GGTA1: variants seen among roughly 807,000 people sequenced by gnomAD.
GGTA1 encodes the protein inactive N-acetyllactosaminide alpha-1,3-galactosyltransferase.
Under a neutral mutation model 2.6 loss-of-function variants are expected in GGTA1, and 5 were observed. The ratio of observed to expected loss-of-function variants is 1.92; its 90% CI spans 1.00 to 4.04. GGTA1 has a LOEUF of 4.04. GGTA1 is among the 30% of genes most tolerant of loss of function. The pLI, the probability that GGTA1 is intolerant of heterozygous loss-of-function variation, is 0.00. For missense variants in GGTA1, 50 were observed against 16.7 expected (o/e 2.99, Z -3.47); for synonymous variants, 17 against 5.0 (o/e 3.38, Z -3.19).
chr9:121,495,375 A>G (rs1828970330), intron 1 of GGTA1, among the ~76,000 whole-genome samples: 1 of 151,984 alleles, frequency 6.6e-6, no homozygotes, highest in African/African-American at 2.4e-5. Flanking sequence ...GTGAAATCCC[A>G]TCTCTACTAA....
At chr9:121,489,224 G>C (rs1828823412) in intron 1 of GGTA1, among the ~76,000 whole-genome samples, 1 of 152,048 alleles carries the variant, frequency 6.6e-6, no homozygotes. Context: ...TTTTGAGACA[G>C]GGTCTCACTC....
chr9:121,456,244 C>T (rs1219286117), intron 5 of GGTA1, among the ~76,000 whole-genome samples: 3 of 152,168 alleles, frequency 2.0e-5, no homozygotes, highest in African/African-American at 7.2e-5. Flanking sequence ...TTTCCTTCCA[C>T]GTAGGACATG....
At chr9:121,448,159 C>A (rs1435419142) in intron 7 of GGTA1, among the ~76,000 whole-genome samples, 31 of 152,212 alleles carry the variant, frequency 2.0e-4, no homozygotes, top group Admixed American at 2.0e-3. Flanking sequence ...ATTTACCACC[C>A]TCTGCCTTCC....
chr9:121,462,402 G>A (rs1474043091), intron 3 of GGTA1, among the ~76,000 whole-genome samples: 1 of 152,142 alleles, frequency 6.6e-6, no homozygotes, highest in Non-Finnish European at 1.5e-5. Flanking sequence ...AAAGAGGAAA[G>A]TCCGATGGAC....
At chr9:121,463,165 T>A (rs950699327) in intron 3 of GGTA1, 128 bp downstream of exon 3, 3 of 421,302 alleles carry the variant, frequency 7.1e-6, no homozygotes, top group African/African-American at 6.3e-5. Context: ...TCCCCAGGAA[T>A]CCACCCACCC....
chr9:121,482,826 G>T (rs1239054263), intron 1 of GGTA1, among the ~76,000 whole-genome samples: 1 of 151,780 alleles, frequency 6.6e-6, no homozygotes, highest in African/African-American at 2.4e-5. Context: ...ACGTGTTGTA[G>T]TCCCAGTTAT....
At chr9:121,469,650 G>A (rs1589331753) in intron 1 of GGTA1, among the ~76,000 whole-genome samples, 1 of 152,284 alleles carries the variant, frequency 6.6e-6, no homozygotes, top group South Asian at 2.1e-4. Flanking sequence ...TTGGCTATAT[G>A]TTATGATGTT....
At chr9:121,451,140 A>G (rs913487724), downstream of GGTA1, among the ~76,000 whole-genome samples, 3 of 152,224 alleles carry the variant, frequency 2.0e-5, no homozygotes, top group African/African-American at 7.2e-5. Context: ...ATTCTCCAAA[A>G]AAAGCAAAAT....
At chr9:121,452,852 C>T (rs575060220), downstream of GGTA1, among the ~76,000 whole-genome samples, 1 of 152,286 alleles carries the variant, frequency 6.6e-6, no homozygotes, top group Non-Finnish European at 1.5e-5. Context: ...CCTTATGAGG[C>T]TCTTATCTCT....
chr9:121,471,014 C>G (rs1202441230), intron 1 of GGTA1, among the ~76,000 whole-genome samples: 1 of 152,188 alleles, frequency 6.6e-6, no homozygotes. Context: ...TACAAGGTTA[C>G]CTTGTGAGAG....
In GGTA1 at chr9:121,447,891, A is replaced by G. The variant is rs148161298; in HGVS notation, c.*119-294T>C. Among the ~76,000 whole-genome samples the G allele has an allele frequency of 6.2e-4, 95 of 152,290 alleles. No homozygotes were observed. In the East Asian group the frequency reaches 0.015, roughly 24 times the overall value. On this transcript the variant is annotated intron_variant and NMD_transcript_variant, in intron 7 of 7. Coordinates refer to the GGTA1 transcript ENST00000481534. ...TCTCACTGCCAATTTTGGAAGAGCA[A>G]CTAGAACTAGACATGCACTACCCTA...
At chr9:121,496,757 A>AAAAAAAG (rs1554838784) in intron 1 of GGTA1, among the ~76,000 whole-genome samples, 2 of 111,918 alleles carry the variant, frequency 1.8e-5, no homozygotes, top group African/African-American at 2.9e-5. Flanking sequence ...AAAAAAAAAA[A>AAAAAAAG]AGAGAGAGAG....
chr9:121,492,609 G>A (rs1201538083), intron 1 of GGTA1, among the ~76,000 whole-genome samples: 1 of 152,196 alleles, frequency 6.6e-6, no homozygotes, highest in East Asian at 2.0e-4. Context: ...TCATAGCTGG[G>A]ATTACAGGCA....
At chr9:121,464,709 C>T (rs958793034) in intron 2 of GGTA1, among the ~76,000 whole-genome samples, 3 of 152,164 alleles carry the variant, frequency 2.0e-5, no homozygotes, top group African/African-American at 7.2e-5. Context: ...CTTGTAGTTC[C>T]CATCATGATC....
chr9:121,468,024 T>C (rs1353011506), intron 1 of GGTA1, 93 bp from the exon 2 acceptor site: 4 of 406,520 alleles, frequency 9.8e-6, no homozygotes, highest in Non-Finnish European at 1.9e-5. Context: ...ACCCCGTTCT[T>C]TTTTAAAATT....
intron 7 of GGTA1, among the ~76,000 whole-genome samples, chr9:121,448,012 A>G (rs918176859): frequency 1.3e-5 from 2 of 152,192 alleles, no homozygotes; most frequent in Admixed American, 6.5e-5. Context: ...TACAGGATCT[A>G]TTCTCACATC....
At chr9:121,472,752 G>T (rs1828418629) in intron 1 of GGTA1, among the ~76,000 whole-genome samples, 1 of 152,174 alleles carries the variant, frequency 6.6e-6, no homozygotes, top group African/African-American at 2.4e-5. Flanking sequence ...CCCAAGCCTT[G>T]CCAACCCCAC....
chr9:121,490,700 A>C (rs538319496), intron 1 of GGTA1, among the ~76,000 whole-genome samples: 2 of 152,344 alleles, frequency 1.3e-5, no homozygotes, highest in Admixed American at 1.3e-4. Flanking sequence ...ATTAGCTCCT[A>C]TACAAGACCT....
At chr9:121,483,946 C>T (rs1336212012) in intron 1 of GGTA1, among the ~76,000 whole-genome samples, 1 of 152,152 alleles carries the variant, frequency 6.6e-6, no homozygotes. Context: ...TCCTACTTGA[C>T]GATGCTTGCA....
Sources: gnomAD v4.1 joint callset for allele counts (sites outside exome capture counted in the v4.1 genomes callset) on GRCh38, gnomAD v4.1.1 for gene constraint, MANE v1.5 for transcripts, NCBI Gene and HGNC (gene_info 2026-07-23, HGNC 2026-07-21) for gene names.